The following PCOLCE2 variants were observed in gnomAD, a reference collection of about 807,000 sequenced individuals.
The protein encoded by PCOLCE2 is procollagen C-endopeptidase enhancer 2, also known as procollagen C-proteinase enhancer 2.
A neutral mutation model predicts 47.0 loss-of-function variants in PCOLCE2; 42 were observed. The ratio of observed to expected loss-of-function variants is 0.89; its 90% CI spans 0.70 to 1.16. PCOLCE2 has a LOEUF of 1.16. Ranked by LOEUF, PCOLCE2 falls within the 50% of genes most tolerant of loss-of-function variation. The probability of loss-of-function intolerance (pLI) is 0.00; values close to 1 mark genes in which losing one functional copy is unlikely to be tolerated. For missense variants in PCOLCE2, 500 were observed against 526.1 expected (o/e 0.95, Z 0.49); for synonymous variants, 169 against 191.7 (o/e 0.88, Z 0.98).
chr3:142,884,029 C>T (rs1419574912), intron 2 of PCOLCE2, among the ~76,000 whole-genome samples: 2 of 152,140 alleles, frequency 1.3e-5, no homozygotes, highest in Non-Finnish European at 2.9e-5. Context: ...CAGCACCATG[C>T]TTCATGGGCT....
chr3:142,870,356 C>T (rs967429684), intron 2 of PCOLCE2, among the ~76,000 whole-genome samples: 5 of 152,170 alleles, frequency 3.3e-5, no homozygotes, highest in Non-Finnish European at 7.4e-5. Flanking sequence ...AAGCAATGAA[C>T]GTGTCCCTGA....
Position 142,818,295 on chromosome 3 carries a change from G to A in PCOLCE2, c.*40C>T. The A allele has an allele frequency of 6.3e-7, 1 of 1,579,274 alleles. No individual in the cohort carries two copies. Among genetic ancestry groups the A allele is most frequent in the South Asian group, 1.1e-5 (1 of 89,340 alleles). On this transcript the variant is annotated 3_prime_UTR_variant, in exon 9 of 9. Coordinates refer to ENST00000295992, the MANE Select transcript of PCOLCE2 (RefSeq NM_013363.4). ...ACTGAGAGAACATAGATCTTTCAAA[G>A]GCAATGGCAGAATACAGCTTAAATG...
At chr3:142,853,922 C>T (rs1933007823) in intron 2 of PCOLCE2, among the ~76,000 whole-genome samples, 1 of 152,220 alleles carries the variant, frequency 6.6e-6, no homozygotes, top group Admixed American at 6.5e-5. Context: ...AGAGCTTCCA[C>T]AGTGACCTCA....
intron 5 of PCOLCE2, among the ~76,000 whole-genome samples, chr3:142,838,263 T>C (rs899306598): frequency 9.2e-5 from 14 of 152,220 alleles, no homozygotes; most frequent in African/African-American, 3.1e-4. Flanking sequence ...ATGGGACTTG[T>C]AGTGGTTTGG....
chr3:142,885,758 C>T (rs534435478), intron 2 of PCOLCE2, among the ~76,000 whole-genome samples: 3 of 152,200 alleles, frequency 2.0e-5, no homozygotes, highest in Admixed American at 6.5e-5. Context: ...TCATCTTCCA[C>T]GCAGACACCA....
chr3:142,840,892 G>A (rs1332571186), intron 4 of PCOLCE2, among the ~76,000 whole-genome samples: 13 of 152,118 alleles, frequency 8.5e-5, no homozygotes, highest in Middle Eastern at 3.4e-3. Flanking sequence ...TGGCCAACAC[G>A]GTGAAACCCC....
chr3:142,832,148 C>A (rs1937158362), intron 5 of PCOLCE2, among the ~76,000 whole-genome samples: 3 of 152,178 alleles, frequency 2.0e-5, no homozygotes. Flanking sequence ...AACCAAACAC[C>A]ATGTCCTGCC....
chr3:142,820,940 G>A lies in PCOLCE2; in HGVS notation c.1055C>T (p.Ala352Val), dbSNP rs199689996. The A allele has an allele frequency of 7.4e-6, 12 of 1,613,996 alleles. No individual in the cohort carries two copies. Among genetic ancestry groups the A allele is most frequent in the African/African-American group, 4.0e-5 (3 of 75,014 alleles). Residue 352 changes from alanine to valine, a missense_variant, in exon 8 of 9, where the codon GCG becomes GTG. Transcript: ENST00000295992. Reference sequence around the variant, plus strand: ...CAGCCTGGCACTCATGTTCTTGCCCGCCTGCTGAATCGCCAAATTTCCCTC... The same window carrying A: ...CAGCCTGGCACTCATGTTCTTGCCCACCTGCTGAATCGCCAAATTTCCCTC... ...YKEGNLAIQQAGKNMSARLTV... is the reference protein window; with the variant it reads ...YKEGNLAIQQVGKNMSARLTV...
intron 5 of PCOLCE2, among the ~76,000 whole-genome samples, chr3:142,834,566 G>C (rs1179173807): frequency 1.3e-5 from 2 of 152,066 alleles, no homozygotes; most frequent in Non-Finnish European, 2.9e-5. Context: ...AGACATTTGT[G>C]AATAAAATGA....
At chr3:142,852,895 A>G (rs1448879660) in intron 2 of PCOLCE2, among the ~76,000 whole-genome samples, 1 of 151,936 alleles carries the variant, frequency 6.6e-6, no homozygotes, top group East Asian at 1.9e-4. Context: ...GCTTGAGTCC[A>G]GGAGTTAAAG....
In PCOLCE2 at chr3:142,842,003, TA is replaced by T. The variant is rs1937268198; in HGVS notation, c.573+920del. On this transcript the variant is annotated intron_variant, in intron 4 of 8. Transcript: ENST00000295992. This position sits in a 1 kb window ranked among gnomAD's most constrained non-coding sequence, Gnocchi z 4.1. ...AAAAGTTGTATATGTAACCACAAAT[TA>T]ATAAATACTGGAAAAGTCGACCTTC... 6.6e-6 allele frequency among the ~76,000 whole-genome samples: 1 copy of T among 152,232 alleles called. No homozygotes were observed. Among genetic ancestry groups the T allele is most frequent in the South Asian group, 2.1e-4 (1 of 4,830 alleles).
At chr3:142,855,222 T>A (rs570364445) in intron 2 of PCOLCE2, among the ~76,000 whole-genome samples, 1 of 152,318 alleles carries the variant, frequency 6.6e-6, no homozygotes, top group East Asian at 1.9e-4. Context: ...TGTCTCACTA[T>A]CAGAATGTAA....
At chr3:142,854,641 T>C (rs923689165) in intron 2 of PCOLCE2, among the ~76,000 whole-genome samples, 2 of 152,178 alleles carry the variant, frequency 1.3e-5, no homozygotes, top group African/African-American at 4.8e-5. Flanking sequence ...CCTGGATGTC[T>C]AGAAGGGGCG....
rs543096481 is a variant in PCOLCE2 at position 142,883,063 on chromosome 3, A to G, written c.192+4606T>C. ...AAAATACAAAAAATTAGCTGGGCAT[A>G]GTGGTGGGCGCCTGTAGTCCCAGCT... is the stretch of plus-strand genomic sequence containing the variant. On this transcript the variant is annotated intron_variant, in intron 2 of 8. Transcript: ENST00000295992. 3.6e-4 allele frequency among the ~76,000 whole-genome samples: 54 copies of G among 151,842 alleles called. No individual in the cohort carries two copies. The Middle Eastern group carries it at 0.02, about 57-fold the overall frequency.
chr3:142,873,354 T>C (rs764764307), intron 2 of PCOLCE2, among the ~76,000 whole-genome samples: 53 of 150,248 alleles, frequency 3.5e-4, no homozygotes, highest in Non-Finnish European at 5.0e-4. Flanking sequence ...GATCGCACCA[T>C]TGCACTCCAG....
At chr3:142,869,634 A>AC (rs1356812613) in intron 2 of PCOLCE2, among the ~76,000 whole-genome samples, 1 of 152,166 alleles carries the variant, frequency 6.6e-6, no homozygotes, top group Non-Finnish European at 1.5e-5. Context: ...GGTCTCCACA[A>AC]CCCTTTATCT....
chr3:142,828,180 C>G (rs953590141), intron 6 of PCOLCE2, among the ~76,000 whole-genome samples: 9 of 152,186 alleles, frequency 5.9e-5, no homozygotes, highest in African/African-American at 2.2e-4. Flanking sequence ...CAGCTTCCCC[C>G]ACACATAGGA....
In PCOLCE2 at chr3:142,842,363, A is replaced by G. The variant is rs1455276532; in HGVS notation, c.573+561T>C. Among the ~76,000 whole-genome samples, 7 of 152,190 alleles carry G rather than the reference A, an allele frequency of 4.6e-5. No homozygotes were observed. Among genetic ancestry groups the G allele is most frequent in the African/African-American group, 1.7e-4 (7 of 41,440 alleles). ...AAACAATCCTATGTGAGATCTGCTT[A>G]CCATTTGTATTTTTAAAACTGTTTT... On this transcript the variant is annotated intron_variant, in intron 4 of 8. Coordinates refer to ENST00000295992, the MANE Select transcript of PCOLCE2 (RefSeq NM_013363.4). This position sits in a 1 kb window ranked among gnomAD's most constrained non-coding sequence, Gnocchi z 4.1.
intron 4 of PCOLCE2, among the ~76,000 whole-genome samples, chr3:142,841,734 T>C (rs902428728): frequency 9.9e-5 from 15 of 152,096 alleles, no homozygotes; most frequent in African/African-American, 2.4e-5. Context: ...TAATTTTCTA[T>C]AAAAAAAGAA....
Sources: gnomAD v4.1 joint callset for allele counts (sites outside exome capture counted in the v4.1 genomes callset) on GRCh38, gnomAD v4.1.1 for gene constraint, Gnocchi (gnomAD v3.1) non-coding constraint, MANE v1.5 for transcripts, NCBI Gene and HGNC (gene_info 2026-07-23, HGNC 2026-07-21) for gene names.